Variants in GNPTAB observed in about 807,000 individuals in gnomAD.
The protein encoded by GNPTAB is N-acetylglucosamine-1-phosphate transferase subunits alpha and beta, also known as N-acetylglucosamine-1-phosphotransferase subunits alpha/beta.
GNPTAB carries 92 observed loss-of-function variants against 136.6 expected under a neutral mutation model. The ratio of observed to expected loss-of-function variants is 0.67; its 90% CI spans 0.57 to 0.80. The LOEUF (loss-of-function observed/expected upper bound fraction) is 0.80. Among genes scored for constraint, GNPTAB ranks in the 30% least tolerant of loss-of-function variants. The pLI is 0.00. For synonymous variants in GNPTAB, 512 were observed against 535.1 expected (o/e 0.96, Z 0.60); for missense variants, 1,343 against 1,501.8 (o/e 0.89, Z 1.75).
intron 2 of GNPTAB, 108 bp from the exon 3 acceptor site, chr12:101,790,165 G>A: frequency 1.4e-6 from 2 of 1,441,050 alleles, no homozygotes; most frequent in Non-Finnish European, 1.9e-6. Flanking sequence ...AATCTCTGAA[G>A]AAGTAATCCA....
chr12:101,787,190 C>T (rs1868703741), intron 4 of GNPTAB, among the ~76,000 whole-genome samples: 1 of 152,130 alleles, frequency 6.6e-6, no homozygotes, highest in South Asian at 2.1e-4. Flanking sequence ...CAGAAAATGC[C>T]ACAGACCTAA....
At chr12:101,805,875 C>A (rs946445195) in intron 1 of GNPTAB, among the ~76,000 whole-genome samples, 1 of 151,892 alleles carries the variant, frequency 6.6e-6, no homozygotes, top group Non-Finnish European at 1.5e-5. Context: ...GGCTTCTGTA[C>A]GATAATCACC....
intron 2 of GNPTAB, chr12:101,796,149 C>T (rs1454379016): frequency 2.9e-6 from 2 of 691,642 alleles, no homozygotes; most frequent in Non-Finnish European, 5.3e-6. Context: ...GGGAGTGGTC[C>T]CATTTCACAG....
At chr12:101,789,198 G>A (rs558328066) in intron 3 of GNPTAB, among the ~76,000 whole-genome samples, 4 of 152,170 alleles carry the variant, frequency 2.6e-5, no homozygotes, top group East Asian at 1.9e-4. Flanking sequence ...GGCAGCCAGC[G>A]GGTTGGGGGA....
At chr12:101,829,224 C>G (rs939760396) in intron 1 of GNPTAB, among the ~76,000 whole-genome samples, 1 of 152,182 alleles carries the variant, frequency 6.6e-6, no homozygotes, top group Non-Finnish European at 1.5e-5. Flanking sequence ...GTGGCTTACA[C>G]CTGTAATCCC....
intron 20 of GNPTAB, among the ~76,000 whole-genome samples, chr12:101,748,836 G>A (rs1276597484): frequency 1.3e-5 from 2 of 152,150 alleles, no homozygotes; most frequent in Non-Finnish European, 2.9e-5. Context: ...GAGCTACTTG[G>A]TTTTAGCCTG....
chr12:101,817,239 C>A (rs76745267), intron 1 of GNPTAB, among the ~76,000 whole-genome samples: 1,651 of 151,364 alleles, frequency 0.011, 20 homozygotes, highest in Non-Finnish European at 0.014. Context: ...GATGGATATC[C>A]CCATTACCCA....
Position 101,820,957 on chromosome 12 carries a change from C to T in GNPTAB, c.117+9602G>A, listed in dbSNP as rs369128643. ...CTGTAATCCCAGCTACTCAGGAGGC[C>T]GAGGCAGGAGAATCACTTGAACCCA... is the stretch of plus-strand genomic sequence containing the variant. On this transcript the variant is annotated intron_variant, in intron 1 of 20. Coordinates refer to ENST00000299314, the MANE Select transcript of GNPTAB (RefSeq NM_024312.5). 6.8e-4 allele frequency among the ~76,000 whole-genome samples: 103 copies of T among 150,584 alleles called. 3 individuals carry two copies. The highest frequency in any genetic ancestry group is 2.4e-3 in the African/African-American group (98 of 41,014).
At chr12:101,791,853 T>C (rs1869012937) in intron 2 of GNPTAB, among the ~76,000 whole-genome samples, 1 of 152,204 alleles carries the variant, frequency 6.6e-6, no homozygotes, top group African/African-American at 2.4e-5. Context: ...GGGAGATAAC[T>C]GGATGAGTTT....
intron 1 of GNPTAB, among the ~76,000 whole-genome samples, chr12:101,828,245 C>T (rs966555768): frequency 6.6e-6 from 1 of 152,128 alleles, no homozygotes; most frequent in Admixed American, 6.6e-5. Context: ...TCCTCATCAA[C>T]CCTGCAAGGA....
At position 101,747,009 on chromosome 12, in the gene GNPTAB, G is replaced by C. The variant is rs1038057556; in HGVS notation, c.*155C>G. The C allele has an allele frequency of 1.5e-6, 1 of 655,200 alleles. No individual in the cohort carries two copies. The highest frequency in any genetic ancestry group is 2.8e-6 in the Non-Finnish European group (1 of 357,096). The allele number at this position is 655,200 out of a possible 1,614,324, so 40.6% of individuals were successfully genotyped here. On this transcript the variant is annotated 3_prime_UTR_variant, in exon 21 of 21. Coordinates refer to ENST00000299314, the MANE Select transcript of GNPTAB (RefSeq NM_024312.5). ...GGGTTGGTTAAATAATTCCTGGTCA[G>C]TGGGCTATATTCATGCCACAAAACA... is the stretch of plus-strand genomic sequence containing the variant.
chr12:101,759,555 T>G (rs1952960467), intron 16 of GNPTAB, among the ~76,000 whole-genome samples: 1 of 152,180 alleles, frequency 6.6e-6, no homozygotes, highest in African/African-American at 2.4e-5. Context: ...CTAAAATGTC[T>G]CTTATAATCT....
chr12:101,787,115 C>T (rs1184201283), intron 4 of GNPTAB, among the ~76,000 whole-genome samples: 1 of 152,128 alleles, frequency 6.6e-6, no homozygotes, highest in African/African-American at 2.4e-5. Flanking sequence ...AGTAATCTTA[C>T]TTTTAGGAAT....
In GNPTAB at chr12:101,764,399, C is replaced by G. The variant is rs778994037; in HGVS notation, c.2518G>C (p.Val840Leu). The G allele has an allele frequency of 2.5e-6, 4 of 1,613,778 alleles. No homozygotes were observed. The highest frequency in any genetic ancestry group is 3.4e-6 in the Non-Finnish European group (4 of 1,180,032). The change falls in exon 13 of 21, where the codon GTT (valine) becomes CTT (leucine). Residue 840 changes from valine to leucine, a missense_variant. Transcript: ENST00000299314. ...TTTGTCATCTGGCTTTCCAGTGGAA[C>G]AATCAGAGATGGGGGCTTTTCTTTT... ...VTKEKPPSLI[V>L]PLESQMTKEK...
At chr12:101,786,376 A>C (rs1371214937) in intron 4 of GNPTAB, among the ~76,000 whole-genome samples, 159 bp from the exon 5 acceptor site, 1 of 152,262 alleles carries the variant, frequency 6.6e-6, no homozygotes, top group African/African-American at 2.4e-5. Context: ...TACAAAAATT[A>C]AGTTAGCAAG....
At chr12:101,783,337 A>T (rs1003816855) in intron 5 of GNPTAB, among the ~76,000 whole-genome samples, 4 of 152,160 alleles carry the variant, frequency 2.6e-5, no homozygotes, top group African/African-American at 9.7e-5. Flanking sequence ...AGAAGAGCAA[A>T]CTGGGACACT....
intron 5 of GNPTAB, among the ~76,000 whole-genome samples, chr12:101,783,163 C>T (rs1318919002): frequency 6.6e-6 from 1 of 151,922 alleles, no homozygotes; most frequent in Non-Finnish European, 1.5e-5. Flanking sequence ...GAGATTTTTG[C>T]CCATCTGTTC....
intron 1 of GNPTAB, among the ~76,000 whole-genome samples, chr12:101,811,685 C>T (rs1870244926): frequency 6.7e-6 from 1 of 149,012 alleles, no homozygotes; most frequent in Admixed American, 6.7e-5. Context: ...GTCACCCAGG[C>T]TGGAGTGCAG....
chr12:101,751,932 A>C (rs1952825245), intron 19 of GNPTAB, among the ~76,000 whole-genome samples: 1 of 152,144 alleles, frequency 6.6e-6, no homozygotes. Context: ...TGCTGAGGAT[A>C]AAATGGACCT....
Sources: allele counts gnomAD v4.1 joint callset (sites outside exome capture counted in the v4.1 genomes callset), GRCh38; gene constraint gnomAD v4.1.1; transcripts MANE v1.5; gene names NCBI Gene and HGNC (gene_info 2026-07-23, HGNC 2026-07-21).